The following ANAPC10 variants were observed in gnomAD, a reference collection of about 807,000 sequenced individuals.
The protein encoded by ANAPC10 is anaphase-promoting complex subunit 10.
Under a neutral mutation model 22.0 loss-of-function variants are expected in ANAPC10, and 12 were observed. That is an observed-to-expected ratio of 0.55 (90% CI 0.35 to 0.88). ANAPC10 has a LOEUF of 0.88. Ranked by LOEUF, ANAPC10 falls within the 40% of genes least tolerant of loss-of-function variation. The probability of loss-of-function intolerance (pLI) is 0.01; values close to 1 mark genes in which losing one functional copy is unlikely to be tolerated. For missense variants in ANAPC10, 188 were observed against 220.9 expected (o/e 0.85, Z 0.94); for synonymous variants, 65 against 69.5 (o/e 0.94, Z 0.32).
rs777569048 is a variant in ANAPC10, at chr4:145,034,689, C to CT, written c.327+29882dup. Among the ~76,000 whole-genome samples the CT allele has an allele frequency of 9.7e-4, 147 of 151,726 alleles. No homozygotes were observed. The Middle Eastern group carries it at 0.01, about 11-fold the overall frequency. On this transcript the variant is annotated intron_variant, in intron 4 of 4. Coordinates refer to ENST00000507656, the MANE Select transcript of ANAPC10 (RefSeq NM_001256706.2). ...ATATAATCCTATTAGTTCTGTCCCTCTAAGAGAAACCTGACTAATACAGAT... is the reference window on the plus strand; with the variant it reads ...ATATAATCCTATTAGTTCTGTCCCTCTTAAGAGAAACCTGACTAATACAGAT...
At chr4:145,013,140 T>C (rs1578905177) in intron 4 of ANAPC10, among the ~76,000 whole-genome samples, 1 of 152,182 alleles carries the variant, frequency 6.6e-6, no homozygotes, top group African/African-American at 2.4e-5. Context: ...GTCTTTTCTT[T>C]ACAAATTATC....
In ANAPC10 at chr4:145,057,180, T is replaced by C. The variant is rs183845842; in HGVS notation, c.327+7392A>G. ...GCACAAATATTATAATAAGAAAAGA[T>C]AGAATTCCTGCTATTAAATCATTTC... On this transcript the variant is annotated intron_variant, in intron 4 of 4. Transcript: ENST00000507656. 1.1e-3 allele frequency among the ~76,000 whole-genome samples: 175 copies of C among 152,278 alleles called. 1 individual carries two copies. In the South Asian group the frequency reaches 0.014, roughly 12 times the overall value.
chr4:145,015,653 T>A (rs1324833314), intron 4 of ANAPC10, among the ~76,000 whole-genome samples: 3 of 152,064 alleles, frequency 2.0e-5, no homozygotes, highest in Admixed American at 6.5e-5. Context: ...AATGTAAAGT[T>A]AAGACAAAGG....
chr4:145,002,531 G>C (rs1418505613), intron 4 of ANAPC10, among the ~76,000 whole-genome samples: 7 of 152,048 alleles, frequency 4.6e-5, no homozygotes, highest in Admixed American at 4.6e-4. Flanking sequence ...AGATTATATA[G>C]CTTAACTAGT....
rs1731425872 is a variant in ANAPC10, at chr4:144,995,129, G to C, written c.*244C>G. The C allele has an allele frequency of 3.7e-6, 1 of 272,162 alleles. No individual in the cohort carries two copies. The highest frequency in any genetic ancestry group is 2.2e-5 in the African/African-American group (1 of 44,824). 16.9% of individuals were successfully genotyped at this position (272,162 alleles called of 1,614,324 possible). On this transcript the variant is annotated 3_prime_UTR_variant, in exon 5 of 5. Transcript: ENST00000507656. ...AGGAACTCTTTTCTTTTGATACAAG[G>C]GAAAATAAAATGATTGGCTTCAAAT...
intron 4 of ANAPC10, among the ~76,000 whole-genome samples, chr4:145,025,597 A>G (rs1237493697): frequency 6.6e-6 from 1 of 152,182 alleles, no homozygotes; most frequent in Non-Finnish European, 1.5e-5. Context: ...GTGGGGACCC[A>G]TAACAATGAC....
At chr4:145,092,132 A>G (rs1747772330) in intron 2 of ANAPC10, among the ~76,000 whole-genome samples, 1 of 152,140 alleles carries the variant, frequency 6.6e-6, no homozygotes, top group South Asian at 2.1e-4. Context: ...AAATGGACAC[A>G]GGGAGGGGAA....
At chr4:145,068,207 C>T (rs1474073012) in intron 3 of ANAPC10, among the ~76,000 whole-genome samples, 2 of 152,160 alleles carry the variant, frequency 1.3e-5, no homozygotes, top group Non-Finnish European at 2.9e-5. Context: ...AAAAGCTCTG[C>T]TACTATATGT....
chr4:145,044,899 C>A (rs1429976354), intron 4 of ANAPC10, among the ~76,000 whole-genome samples: 1 of 151,866 alleles, frequency 6.6e-6, no homozygotes, highest in East Asian at 1.9e-4. Context: ...CCAAATTGAA[C>A]TGATTTGTAA....
chr4:145,022,098 A>C (rs184147032), intron 4 of ANAPC10, among the ~76,000 whole-genome samples: 1 of 152,298 alleles, frequency 6.6e-6, no homozygotes, highest in East Asian at 1.9e-4. Flanking sequence ...AACAGTATGG[A>C]GATTCCTTAA....
chr4:145,034,543 ATGTGTGTG>A (rs1553968684), intron 4 of ANAPC10, among the ~76,000 whole-genome samples: 66 of 133,842 alleles, frequency 4.9e-4, no homozygotes, highest in Middle Eastern at 3.8e-3. Flanking sequence ...ATATATATAT[ATGTGTGTG>A]TGTGTGTGTG....
chr4:145,083,264 A>G (rs1266928068), intron 2 of ANAPC10, among the ~76,000 whole-genome samples: 2 of 152,198 alleles, frequency 1.3e-5, no homozygotes, highest in Admixed American at 6.5e-5. Flanking sequence ...ATAACAACAT[A>G]AACAGCTTCC....
intron 3 of ANAPC10, among the ~76,000 whole-genome samples, chr4:145,069,822 A>T (rs531797456): frequency 1.3e-5 from 2 of 152,166 alleles, no homozygotes; most frequent in Non-Finnish European, 2.9e-5. Context: ...TTTAATGAAC[A>T]AGCAGAAATG....
intron 4 of ANAPC10, among the ~76,000 whole-genome samples, chr4:145,054,455 G>A (rs1277901056): frequency 6.6e-6 from 1 of 151,370 alleles, no homozygotes. Context: ...CTACTTGGGA[G>A]GCTGAGGCAG....
At chr4:145,042,428 T>G (rs1292025176) in intron 4 of ANAPC10, among the ~76,000 whole-genome samples, 1 of 152,186 alleles carries the variant, frequency 6.6e-6, no homozygotes, top group East Asian at 1.9e-4. Context: ...AGATATACTT[T>G]ATAAATAAAA....
At chr4:145,097,115 A>C in intron 1 of ANAPC10, 1 of 203,154 alleles carries the variant, frequency 4.9e-6, no homozygotes, top group South Asian at 6.5e-5. Context: ...AGACAGGAGG[A>C]TCACCTGAAC....
At chr4:145,019,121 T>C (rs1223291971) in intron 4 of ANAPC10, among the ~76,000 whole-genome samples, 1 of 152,086 alleles carries the variant, frequency 6.6e-6, no homozygotes, top group East Asian at 1.9e-4. Context: ...ATACAGAACA[T>C]TCCATCCAAG....
chr4:145,082,353 G>A (rs1240338988), intron 2 of ANAPC10, among the ~76,000 whole-genome samples: 21 of 152,072 alleles, frequency 1.4e-4, no homozygotes, highest in Non-Finnish European at 2.9e-5. Context: ...TTCTCCATGT[G>A]GGTCAGGCCG....
intron 4 of ANAPC10, among the ~76,000 whole-genome samples, chr4:145,028,106 G>A (rs779568348): frequency 1.3e-5 from 2 of 152,166 alleles, no homozygotes; most frequent in East Asian, 1.9e-4. Flanking sequence ...GGTTAATACC[G>A]AGTGTCAACT....
Sources: gnomAD v4.1 joint callset for allele counts (sites outside exome capture counted in the v4.1 genomes callset) on GRCh38, gnomAD v4.1.1 for gene constraint, MANE v1.5 for transcripts, NCBI Gene and HGNC (gene_info 2026-07-23, HGNC 2026-07-21) for gene names.